The following CFAP54 variants were observed in gnomAD, a reference collection of about 807,000 sequenced individuals.
The protein encoded by CFAP54 is cilia and flagella associated protein 54, also known as cilia- and flagella-associated protein 54.
CFAP54 carries 290 observed loss-of-function variants against 370.4 expected under a neutral mutation model. The ratio of observed to expected loss-of-function variants is 0.78; its 90% CI spans 0.71 to 0.86. CFAP54 has a LOEUF of 0.86. Among genes scored for constraint, CFAP54 ranks in the 40% least tolerant of loss-of-function variants. CFAP54 has a pLI of 0.00. For missense variants in CFAP54, 3,399 were observed against 3,528.7 expected (o/e 0.96, Z 0.93); for synonymous variants, 1,206 against 1,236.5 (o/e 0.98, Z 0.52).
chr12:96,638,213 G>GCA (rs1956683013), intron 32 of CFAP54, among the ~76,000 whole-genome samples: 2 of 86,828 alleles, frequency 2.3e-5, no homozygotes, highest in Admixed American at 3.0e-4. Context: ...GCATGTGTGT[G>GCA]TGTGTGTGTG....
At chr12:96,523,274 G>A (rs1425623765) in intron 8 of CFAP54, among the ~76,000 whole-genome samples, 1 of 152,122 alleles carries the variant, frequency 6.6e-6, no homozygotes, top group Admixed American at 6.5e-5. Flanking sequence ...AATAAAGCCT[G>A]CAATATTTAA....
chr12:96,681,468 A>G (rs1957270900), intron 40 of CFAP54, among the ~76,000 whole-genome samples: 1 of 151,780 alleles, frequency 6.6e-6, no homozygotes, highest in Non-Finnish European at 1.5e-5. Flanking sequence ...TACTGTTGGA[A>G]GCTATTTAAA....
At chr12:96,711,543 G>C (rs1290366209) in intron 48 of CFAP54, among the ~76,000 whole-genome samples, 2 of 152,154 alleles carry the variant, frequency 1.3e-5, no homozygotes, top group African/African-American at 2.4e-5. Context: ...GCTTAGTTGT[G>C]CCAGTTTGAA....
At chr12:96,518,408 C>T (rs540550068) in intron 5 of CFAP54, among the ~76,000 whole-genome samples, 54 of 152,156 alleles carry the variant, frequency 3.5e-4, no homozygotes, top group Non-Finnish European at 5.6e-4. Context: ...CAAGACAGGC[C>T]GGGTGCAGTG....
chr12:96,683,771 GA>G (rs58936228), intron 40 of CFAP54, among the ~76,000 whole-genome samples: 18 of 149,076 alleles, frequency 1.2e-4, no homozygotes, highest in African/African-American at 2.5e-4. Flanking sequence ...GCATTCATTA[GA>G]AAAAAAAAAT....
intron 62 of CFAP54, among the ~76,000 whole-genome samples, chr12:96,790,011 CT>C (rs11366923): frequency 0.31 from 46,575 of 152,068 alleles, 7,528 homozygotes; most frequent in South Asian, 0.54. Flanking sequence ...CTTAAACCTA[CT>C]TTCCCCCACA....
chr12:96,730,750 C>T lies in CFAP54; in HGVS notation c.6966-9206C>T, dbSNP rs529762063. On this transcript the variant is annotated intron_variant, in intron 50 of 67. Transcript: ENST00000524981. ...AGGAGAATCCCACTTATATGTTTCCCAAAGGGGAAATCAATTCAGCAGAAA... is the reference window on the plus strand; with the variant it reads ...AGGAGAATCCCACTTATATGTTTCCTAAAGGGGAAATCAATTCAGCAGAAA... Among the ~76,000 whole-genome samples the T allele has an allele frequency of 2.0e-5, 3 of 152,110 alleles. No homozygotes were observed. In the East Asian group the frequency reaches 5.8e-4, roughly 29 times the overall value.
chr12:96,767,324 C>A (rs1268143031), intron 60 of CFAP54, among the ~76,000 whole-genome samples: 2 of 152,164 alleles, frequency 1.3e-5, no homozygotes, highest in Admixed American at 6.5e-5. Flanking sequence ...TGATGTCAGC[C>A]AGGGGCACAC....
At chr12:96,576,507 A>T in intron 19 of CFAP54, 78 bp from the exon 20 acceptor site, 1 of 1,069,202 alleles carries the variant, frequency 9.4e-7, no homozygotes, top group South Asian at 1.9e-5. Context: ...ACATTGTTTA[A>T]CATCACTAGA....
At chr12:96,764,726 A>G (rs1219340567) in intron 59 of CFAP54, among the ~76,000 whole-genome samples, 1 of 152,244 alleles carries the variant, frequency 6.6e-6, no homozygotes, top group East Asian at 1.9e-4. Flanking sequence ...CAATCTCTCT[A>G]TTAGCCAGAC....
intron 66 of CFAP54, among the ~76,000 whole-genome samples, chr12:96,853,155 A>G (rs1359346650): frequency 6.6e-6 from 1 of 152,172 alleles, no homozygotes; most frequent in Non-Finnish European, 1.5e-5. Context: ...TATTCATAAC[A>G]CCAAAAAATT....
At chr12:96,602,059 T>G (rs1044700506) in intron 26 of CFAP54, among the ~76,000 whole-genome samples, 3 of 152,204 alleles carry the variant, frequency 2.0e-5, no homozygotes, top group Non-Finnish European at 4.4e-5. Flanking sequence ...AGGGTGTCAA[T>G]CTTAGATCTT....
intron 8 of CFAP54, among the ~76,000 whole-genome samples, chr12:96,524,853 GTA>G (rs1955359610): frequency 1.3e-5 from 2 of 152,190 alleles, no homozygotes; most frequent in African/African-American, 4.8e-5. Flanking sequence ...ATCCTATGCA[GTA>G]TATGTGTCAT....
At position 96,742,524 on chromosome 12, in the gene CFAP54, G is replaced by A; in HGVS notation, c.7157G>A (p.Arg2386Lys). Residue 2386 changes from arginine to lysine, a missense_variant, in exon 52 of 68, where the codon AGG becomes AAG. By Grantham distance (26) the Arg-to-Lys change is conservative. Transcript: ENST00000524981. ...TATTTCAACATTCATCTGTGGTTGA[G>A]GTGCCGCTTAGCATTGGTGACTGCA... ...REYFNIHLWL[R>K]CRLALVTAFV... The A allele has an allele frequency of 6.2e-7, 1 of 1,613,350 alleles. No homozygotes were observed. The highest frequency in any genetic ancestry group is 8.5e-7 in the Non-Finnish European group (1 of 1,179,714).
At chr12:96,597,889 G>A (rs751849323) in intron 25 of CFAP54, among the ~76,000 whole-genome samples, 2 of 151,844 alleles carry the variant, frequency 1.3e-5, no homozygotes, top group African/African-American at 2.4e-5. Context: ...ATGATTTAGG[G>A]ATATGATATG....
chr12:96,683,294 G>A (rs1183611975), intron 40 of CFAP54, among the ~76,000 whole-genome samples: 1 of 152,192 alleles, frequency 6.6e-6, no homozygotes, highest in Non-Finnish European at 1.5e-5. Context: ...GAATGTGACA[G>A]TTACACATGC....
At chr12:96,714,766 G>A (rs1957655878) in intron 48 of CFAP54, among the ~76,000 whole-genome samples, 1 of 151,966 alleles carries the variant, frequency 6.6e-6, no homozygotes, top group South Asian at 2.1e-4. Context: ...TGCTGAAAGG[G>A]ACAAAAGAGG....
intron 65 of CFAP54, among the ~76,000 whole-genome samples, chr12:96,825,095 C>G (rs1449471245): frequency 6.6e-6 from 1 of 150,390 alleles, no homozygotes; most frequent in African/African-American, 2.5e-5. Flanking sequence ...TGAAGTTGCA[C>G]TATTTTTTTC....
At chr12:96,853,426 A>G (rs766600466) in intron 66 of CFAP54, among the ~76,000 whole-genome samples, 63 of 152,110 alleles carry the variant, frequency 4.1e-4, no homozygotes, top group Non-Finnish European at 6.3e-4. Context: ...ACCATGTTCT[A>G]TTTCTTGACC....
Sources: gnomAD v4.1 joint callset for allele counts (sites outside exome capture counted in the v4.1 genomes callset) on GRCh38, gnomAD v4.1.1 for gene constraint, MANE v1.5 for transcripts, NCBI Gene and HGNC (gene_info 2026-07-23, HGNC 2026-07-21) for gene names.